The following FANCL variants were observed in gnomAD, a reference collection of about 807,000 sequenced individuals.
The protein encoded by FANCL is FA complementation group L, also known as E3 ubiquitin-protein ligase FANCL.
A neutral mutation model predicts 59.4 loss-of-function variants in FANCL; 69 were observed. The ratio of observed to expected loss-of-function variants is 1.16; its 90% CI spans 0.96 to 1.42. The LOEUF (loss-of-function observed/expected upper bound fraction) is 1.42, where lower values mean the gene tolerates loss of function less well. FANCL is among the 40% of genes most tolerant of loss of function. The pLI is 0.00. For missense variants in FANCL, 519 were observed against 447.2 expected, an observed-to-expected ratio of 1.16 and a Z score of -1.45; for synonymous variants, 180 against 147.1, an observed-to-expected ratio of 1.22 and a Z score of -1.62.
At chr2:58,160,742 G>A (rs1165739218) in intron 12 of FANCL, among the ~76,000 whole-genome samples, 1 of 151,942 alleles carries the variant, frequency 6.6e-6, no homozygotes, top group Non-Finnish European at 1.5e-5. Flanking sequence ...AATTTGACCT[G>A]TATTTCTGTA....
At chr2:58,171,939 A>C (rs1195730346) in intron 7 of FANCL, among the ~76,000 whole-genome samples, 1 of 152,180 alleles carries the variant, frequency 6.6e-6, no homozygotes, top group Non-Finnish European at 1.5e-5. Context: ...AAAAAACGGC[A>C]CACCAGGAGA....
At chr2:58,210,063 T>C (rs961554085) in intron 5 of FANCL, among the ~76,000 whole-genome samples, 4 of 152,202 alleles carry the variant, frequency 2.6e-5, no homozygotes, top group Non-Finnish European at 4.4e-5. Flanking sequence ...ATATATTGTT[T>C]AAAAAGGACA....
rs537584283 is a variant in FANCL, at chr2:58,191,948, C to T, written c.540+6646G>A. 4.6e-5 allele frequency among the ~76,000 whole-genome samples: 7 copies of T among 151,946 alleles called. No individual in the cohort carries two copies. In the South Asian group the frequency reaches 1.2e-3, roughly 27 times the overall value. On this transcript the variant is annotated intron_variant, in intron 7 of 13. Coordinates refer to ENST00000233741, the MANE Select transcript of FANCL (RefSeq NM_018062.4). Reference sequence around the variant, plus strand: ...TCTTTTTATAAATAAGTAATTTACACAAGGTCATGCACTGGTAAAGACAGA... The same window carrying T: ...TCTTTTTATAAATAAGTAATTTACATAAGGTCATGCACTGGTAAAGACAGA...
chr2:58,198,433 C>A (rs1689658593), intron 7 of FANCL, 161 bp downstream of exon 7: 4 of 625,244 alleles, frequency 6.4e-6, no homozygotes, highest in Non-Finnish European at 1.1e-5. Context: ...AGAGTGTGCA[C>A]AGGCTATAAA....
intron 7 of FANCL, among the ~76,000 whole-genome samples, chr2:58,175,687 G>A (rs1020626409): frequency 6.6e-6 from 1 of 152,164 alleles, no homozygotes; most frequent in Non-Finnish European, 1.5e-5. Context: ...CACAGTGAAT[G>A]GGCAAAAACT....
intron 5 of FANCL, among the ~76,000 whole-genome samples, chr2:58,207,226 A>G (rs1690676303): frequency 2.6e-5 from 4 of 152,110 alleles, no homozygotes; most frequent in Admixed American, 2.6e-4. Context: ...ACAGGCCAAT[A>G]TGAGCTAGCA....
At chr2:58,176,197 A>C (rs1231801171) in intron 7 of FANCL, among the ~76,000 whole-genome samples, 1 of 152,194 alleles carries the variant, frequency 6.6e-6, no homozygotes, top group African/African-American at 2.4e-5. Context: ...GAAAATGGCC[A>C]CACTGCCCAA....
intron 7 of FANCL, among the ~76,000 whole-genome samples, chr2:58,171,209 T>A (rs556099433): frequency 1.3e-5 from 2 of 152,268 alleles, no homozygotes; most frequent in East Asian, 3.9e-4. Context: ...GAACTCAGGA[T>A]TAAGAAACTC....
At chr2:58,160,293 G>T in intron 12 of FANCL, 114 bp from the exon 13 acceptor site, 1 of 1,112,654 alleles carries the variant, frequency 9.0e-7, no homozygotes, top group Non-Finnish European at 1.4e-6. Flanking sequence ...AGAAGACTTA[G>T]CTTAATTTTG....
At chr2:58,171,842 T>A (rs1686659181) in intron 7 of FANCL, among the ~76,000 whole-genome samples, 1 of 152,186 alleles carries the variant, frequency 6.6e-6, no homozygotes, top group South Asian at 2.1e-4. Flanking sequence ...CAGGGAGTTC[T>A]CTTTCCTAGT....
At chr2:58,237,569 C>A (rs1234172843) in intron 1 of FANCL, among the ~76,000 whole-genome samples, 1 of 151,690 alleles carries the variant, frequency 6.6e-6, no homozygotes, top group African/African-American at 2.4e-5. Context: ...GATCAGAAAA[C>A]TATCATATAG....
intron 1 of FANCL, among the ~76,000 whole-genome samples, chr2:58,232,855 G>C (rs547557449): frequency 1.3e-5 from 2 of 151,888 alleles, no homozygotes; most frequent in East Asian, 1.9e-4. Context: ...AGCAAAAATA[G>C]CAGAAAAAGA....
chr2:58,179,605 A>C (rs1453023848), intron 7 of FANCL, among the ~76,000 whole-genome samples: 1 of 152,240 alleles, frequency 6.6e-6, no homozygotes, highest in African/African-American at 2.4e-5. Context: ...TAAAGACTTA[A>C]ACATAAGACC....
In FANCL at chr2:58,204,127, T is replaced by C. The variant is rs761210597; in HGVS notation, c.471+3A>G. On this transcript the variant is annotated splice_donor_region_variant and intron_variant, in intron 6 of 13. Transcript: ENST00000233741. ...CACAATAACAGTTTAACGAGGCACA[T>C]ACCTTTGCCTTCAACTTGAGAGTGA... 7.5e-6 allele frequency: 12 copies of C among 1,604,832 alleles called. No individual in the cohort carries two copies. The highest frequency in any genetic ancestry group is 5.0e-5 in the Admixed American group (3 of 59,944).
chr2:58,228,167 T>C (rs1325138083), intron 3 of FANCL, among the ~76,000 whole-genome samples: 3 of 152,158 alleles, frequency 2.0e-5, no homozygotes, highest in African/African-American at 7.2e-5. Flanking sequence ...GAGACAGTCA[T>C]TCATTAAAGT....
chr2:58,199,922 TAACA>T (rs1442537541), intron 6 of FANCL, among the ~76,000 whole-genome samples: 1 of 151,974 alleles, frequency 6.6e-6, no homozygotes, highest in African/African-American at 2.4e-5. Flanking sequence ...CTACAGTATT[TAACA>T]AACATTTGAA....
chr2:58,187,359 G>A (rs1688506215), intron 7 of FANCL, among the ~76,000 whole-genome samples: 1 of 139,558 alleles, frequency 7.2e-6, no homozygotes, highest in Admixed American at 7.8e-5. Context: ...GGTGAGAACT[G>A]AACAATGAGA....
chr2:58,198,683 T>A, intron 6 of FANCL, 21 bp from the exon 7 acceptor site: 1 of 1,592,036 alleles, frequency 6.3e-7, no homozygotes, highest in Non-Finnish European at 8.6e-7. Flanking sequence ...AGCATAACAT[T>A]AGACCATTTT....
rs529722422 is a variant in FANCL at position 58,217,415 on chromosome 2, G to C, written c.374+4527C>G. On this transcript the variant is annotated intron_variant, in intron 5 of 13. Transcript: ENST00000233741. Reference sequence around the variant, plus strand: ...CTCTTCCAGTTTCTGGTGGCTGCCAGCAAGAAAAATATTTTAAAACTATGA... The same window carrying C: ...CTCTTCCAGTTTCTGGTGGCTGCCACCAAGAAAAATATTTTAAAACTATGA... Among the ~76,000 whole-genome samples, 6 of 150,404 alleles carry C rather than the reference G, an allele frequency of 4.0e-5. No homozygotes were observed. In the East Asian group the frequency reaches 1.2e-3, roughly 29 times the overall value.
Sources: gnomAD v4.1 joint callset for allele counts (sites outside exome capture counted in the v4.1 genomes callset) on GRCh38, gnomAD v4.1.1 for gene constraint, MANE v1.5 for transcripts, NCBI Gene and HGNC (gene_info 2026-07-23, HGNC 2026-07-21) for gene names.